The following RINT1 variants were observed in gnomAD, a reference collection of about 807,000 sequenced individuals.
The protein encoded by RINT1 is RAD50 interactor 1, also known as RAD50-interacting protein 1.
In RINT1, 75 loss-of-function variants were observed where a neutral mutation model predicts 97.7. That is an observed-to-expected ratio of 0.77 (90% CI 0.64 to 0.93). The LOEUF is 0.93. Ranked by LOEUF, RINT1 falls within the 40% of genes least tolerant of loss-of-function variation. RINT1 has a pLI of 0.00. For missense variants in RINT1, 892 were observed against 925.2 expected (o/e 0.96, Z 0.47); for synonymous variants, 303 against 326.3 (o/e 0.93, Z 0.77).
intron 2 of RINT1, among the ~76,000 whole-genome samples, chr7:105,533,877 A>G (rs905425800): frequency 2.0e-5 from 3 of 152,300 alleles, no homozygotes; most frequent in African/African-American, 7.2e-5. Flanking sequence ...TAATAGATGT[A>G]GACTATCATA....
At chr7:105,532,747 T>G (rs1790083693) in intron 1 of RINT1, 77 bp from the exon 2 acceptor site, 1 of 1,470,634 alleles carries the variant, frequency 6.8e-7, no homozygotes, top group East Asian at 2.3e-5. Context: ...CTCCAGTGGG[T>G]GCCCTTTGGG....
At chr7:105,549,927 C>A in intron 7 of RINT1, 128 bp from the exon 8 acceptor site, 1 of 585,818 alleles carries the variant, frequency 1.7e-6, no homozygotes, top group Admixed American at 3.4e-5. Context: ...AGAAATTGTG[C>A]TCTTACATAC....
intron 2 of RINT1, among the ~76,000 whole-genome samples, chr7:105,534,588 T>G (rs1790154644): frequency 6.7e-6 from 1 of 150,162 alleles, no homozygotes; most frequent in South Asian, 2.1e-4. Context: ...TAATATATAA[T>G]TTGTATTATA....
chr7:105,546,305 A>T (rs1472871704), intron 4 of RINT1, among the ~76,000 whole-genome samples: 2 of 152,208 alleles, frequency 1.3e-5, no homozygotes, highest in Non-Finnish European at 2.9e-5. Flanking sequence ...AAGGAATATG[A>T]CACAAAACAG....
At chr7:105,549,353 A>G (rs1242059281) in intron 7 of RINT1, among the ~76,000 whole-genome samples, 1 of 143,074 alleles carries the variant, frequency 7.0e-6, no homozygotes, top group Non-Finnish European at 1.5e-5. Flanking sequence ...CAGACTAGCA[A>G]TTTTTTTTTT....
chr7:105,542,978 G>A (rs960644629), intron 4 of RINT1, among the ~76,000 whole-genome samples: 5 of 151,390 alleles, frequency 3.3e-5, no homozygotes, highest in African/African-American at 4.9e-5. Context: ...TACACCTCCC[G>A]GGTTCATGCC....
intron 4 of RINT1, among the ~76,000 whole-genome samples, chr7:105,543,516 A>T (rs1317732399): frequency 6.6e-6 from 1 of 152,062 alleles, no homozygotes; most frequent in Non-Finnish European, 1.5e-5. Flanking sequence ...CTTTCAGACA[A>T]CCCAAAGTAA....
chr7:105,555,648 T>C (rs1410102718), intron 11 of RINT1, among the ~76,000 whole-genome samples: 1 of 152,096 alleles, frequency 6.6e-6, no homozygotes, highest in African/African-American at 2.4e-5. Flanking sequence ...GTCATGAAAA[T>C]AGGAAGAAAC....
chr7:105,546,887 A>G, intron 4 of RINT1, 23 bp from the exon 5 acceptor site: 1 of 1,563,416 alleles, frequency 6.4e-7, no homozygotes, highest in East Asian at 2.2e-5. Context: ...AAGAAAAAAA[A>G]ATTTGCTTTA....
At chr7:105,532,615 C>T (rs563373174) in intron 1 of RINT1, among the ~76,000 whole-genome samples, 2 of 151,020 alleles carry the variant, frequency 1.3e-5, no homozygotes, top group East Asian at 1.9e-4. Context: ...CCAGGTCCTG[C>T]GGAGGTGACA....
rs536579573 is a variant in RINT1 at position 105,542,450 on chromosome 7, G to A, written c.316G>A (p.Ala106Thr). 3 of 1,612,548 alleles carry A rather than the reference G, an allele frequency of 1.9e-6. No homozygotes were observed. Among genetic ancestry groups the A allele is most frequent in the African/African-American group, 1.3e-5 (1 of 75,012 alleles). ...AGAAATTCCTAAAAGAATTCGAAGT[G>A]CCTTAAAAAATGCAGAAGAATCAAA... is the stretch of plus-strand genomic sequence containing the variant. The part of the protein sequence containing the change: ...SSEIPKRIRS[A>T]LKNAEESKQF... The change falls in exon 4 of 15, where the codon GCC (alanine) becomes ACC (threonine). Residue 106 changes from alanine to threonine, a missense_variant. By Grantham distance (58) the Ala-to-Thr change is moderately conservative. Transcript: ENST00000257700.
Position 105,536,619 on chromosome 7 carries a change from A to AT in RINT1, c.144dup (p.Asn49Ter). ...AGTAAACAAGTCAGTGAAGGTACAG[A>AT]TAATGGTGATCTCCCTTCTTATGTG... On this transcript the variant is annotated frameshift_variant, in exon 3 of 15. Transcript: ENST00000257700. LOFTEE classifies it high-confidence loss of function. 1 of 1,611,958 alleles carries AT rather than the reference A, an allele frequency of 6.2e-7. No individual in the cohort carries two copies. The highest frequency in any genetic ancestry group is 1.7e-4 in the Middle Eastern group (1 of 6,056).
In RINT1 at chr7:105,547,314, C is replaced by T. The variant is rs776859681; in HGVS notation, c.820C>T (p.Leu274Phe). Reference sequence around the variant, plus strand: ...TTACCTGGAGACACTGTTTTGTCAGCTTTTGAAACTACAAACCTCGTATCT... The same window carrying T: ...TTACCTGGAGACACTGTTTTGTCAGTTTTTGAAACTACAAACCTCGTATCT... The part of the protein sequence containing the change: ...YSYLETLFCQ[L>F]LKLQTSDELL... The change falls in exon 6 of 15, where the codon CTT (leucine) becomes TTT (phenylalanine). Residue 274 changes from leucine (L) to phenylalanine (F), a missense_variant. Leu to Phe is a conservative substitution (Grantham distance 22). Transcript: ENST00000257700. The T allele has an allele frequency of 3.7e-6, 6 of 1,614,086 alleles. No individual in the cohort carries two copies. Among genetic ancestry groups the T allele is most frequent in the Non-Finnish European group, 4.2e-6 (5 of 1,179,996 alleles).
intron 4 of RINT1, among the ~76,000 whole-genome samples, chr7:105,545,890 G>A (rs982338989): frequency 8.0e-5 from 12 of 150,266 alleles, no homozygotes; most frequent in Non-Finnish European, 1.2e-4. Context: ...TGCAACCTCC[G>A]CCTCCCGGGT....
chr7:105,539,425 A>T (rs1414778881), intron 3 of RINT1, among the ~76,000 whole-genome samples: 1 of 149,322 alleles, frequency 6.7e-6, no homozygotes, highest in Non-Finnish European at 1.5e-5. Flanking sequence ...CAATGGCACA[A>T]TCTTGGCTCA....
At chr7:105,548,520 T>C in intron 6 of RINT1, 34 bp from the exon 7 acceptor site, 5 of 1,611,268 alleles carry the variant, frequency 3.1e-6, no homozygotes, top group Non-Finnish European at 4.2e-6. Flanking sequence ...TTAGGTATGC[T>C]TTTGATTCTT....
intron 11 of RINT1, among the ~76,000 whole-genome samples, chr7:105,560,292 G>C (rs1562857389): frequency 1.3e-5 from 2 of 152,172 alleles, no homozygotes; most frequent in African/African-American, 4.8e-5. Context: ...ACCAAGTTAT[G>C]TGTGCATCCC....
At chr7:105,555,742 A>T (rs1049705855) in intron 11 of RINT1, among the ~76,000 whole-genome samples, 1 of 152,152 alleles carries the variant, frequency 6.6e-6, no homozygotes, top group African/African-American at 2.4e-5. Context: ...GCACTTTAGG[A>T]GGCTGAGATG....
At chr7:105,565,480 T>TG in intron 13 of RINT1, 23 bp downstream of exon 13, 1 of 1,610,946 alleles carries the variant, frequency 6.2e-7, no homozygotes, top group Non-Finnish European at 8.5e-7. Flanking sequence ...AGACTGTTTT[T>TG]GGGCTGTGAT....
Sources: gnomAD v4.1 joint callset for allele counts (sites outside exome capture counted in the v4.1 genomes callset) on GRCh38, gnomAD v4.1.1 for gene constraint, MANE v1.5 for transcripts, NCBI Gene and HGNC (gene_info 2026-07-23, HGNC 2026-07-21) for gene names.